JAKMIP1: variants seen among roughly 807,000 people sequenced by gnomAD.
JAKMIP1 encodes janus kinase and microtubule-interacting protein 1.
A neutral mutation model predicts 113.0 loss-of-function variants in JAKMIP1; 33 were observed. That is an observed-to-expected ratio of 0.29 (90% CI 0.22 to 0.39). The LOEUF (loss-of-function observed/expected upper bound fraction) is 0.39, where lower values mean the gene tolerates loss of function less well. JAKMIP1 is among the 10% of genes least tolerant of loss of function. The pLI is 1.00. For synonymous variants in JAKMIP1, 480 were observed against 459.9 expected (o/e 1.04, Z -0.56); for missense variants, 813 against 1,080.5 (o/e 0.75, Z 3.47).
chr4:6,053,788 A>AACAAG, intron 13 of JAKMIP1: 1 of 1,262,476 alleles, frequency 7.9e-7, no homozygotes, highest in Non-Finnish European at 1.0e-6. Flanking sequence ...TTAAGTGCAA[A>AACAAG]ACAAGCCATA....
At position 6,108,218 on chromosome 4, in the gene JAKMIP1, C is replaced by T. The variant is rs370156308; in HGVS notation, c.130-2251G>A. On this transcript the variant is annotated intron_variant, in intron 2 of 20. Coordinates refer to ENST00000409021, the MANE Select transcript of JAKMIP1 (RefSeq NM_001099433.2). This position sits in a 1 kb window ranked among gnomAD's most constrained non-coding sequence, Gnocchi z 5.6. ...GAGAGCCAAGCCCAGGTGACATGACCTATGCCACAGAAGCAGCAGAGTGAG... is the reference window on the plus strand; with the variant it reads ...GAGAGCCAAGCCCAGGTGACATGACTTATGCCACAGAAGCAGCAGAGTGAG... Among the ~76,000 whole-genome samples, 2 of 152,108 alleles carry T rather than the reference C, an allele frequency of 1.3e-5. No homozygotes were observed. Among genetic ancestry groups the T allele is most frequent in the South Asian group, 2.1e-4 (1 of 4,812 alleles).
chr4:6,053,577 G>T (rs1368834001), intron 13 of JAKMIP1, among the ~76,000 whole-genome samples: 1 of 152,126 alleles, frequency 6.6e-6, no homozygotes, highest in Non-Finnish European at 1.5e-5. Context: ...TCAATTGCTG[G>T]CTCAGGTCAG....
intron 1 of JAKMIP1, among the ~76,000 whole-genome samples, chr4:6,160,711 C>T (rs185033514): frequency 1.3e-5 from 2 of 152,152 alleles, no homozygotes; most frequent in Admixed American, 1.3e-4. Context: ...CGCCTCCCTG[C>T]CCCTCTACAG....
In JAKMIP1 at chr4:6,115,828, G is replaced by A. The variant is rs112230848; in HGVS notation, c.-147-2831C>T. Reference sequence around the variant, plus strand: ...TCCACAGGAGCAGCCCACCGGCCTCGCAGGCAGGATGGGGCGGCTGCAGGT... The same window carrying A: ...TCCACAGGAGCAGCCCACCGGCCTCACAGGCAGGATGGGGCGGCTGCAGGT... On this transcript the variant is annotated intron_variant, in intron 1 of 20. Transcript: ENST00000409021. Among the ~76,000 whole-genome samples the A allele has an allele frequency of 8.4e-3, 1,278 of 152,294 alleles. 18 individuals carry two copies. The highest frequency in any genetic ancestry group is 0.029 in the African/African-American group (1,202 of 41,562).
chr4:6,027,984 C>T (rs116277450), intron 20 of JAKMIP1, among the ~76,000 whole-genome samples: 2,847 of 152,306 alleles, frequency 0.019, 36 homozygotes, highest in Non-Finnish European at 0.031. Context: ...GGGCCCTGGG[C>T]TGCGAACTTT....
chr4:6,160,873 C>T (rs888460818), intron 1 of JAKMIP1, among the ~76,000 whole-genome samples: 1 of 151,562 alleles, frequency 6.6e-6, no homozygotes, highest in African/African-American at 2.4e-5. Context: ...ACTGACCTCC[C>T]CGACCTCCAC....
rs1289607866 is a variant in JAKMIP1 at position 6,139,087 on chromosome 4, T to TAC, written c.-147-26092_-147-26091dup. On this transcript the variant is annotated intron_variant, in intron 1 of 20. Transcript: ENST00000409021. The surrounding 1 kb of genome is among the most constrained non-coding windows in gnomAD (Gnocchi z 5.2). Reference sequence around the variant, plus strand: ...ACACACACACACACACACACACATATACACACACACACACACACCAGCAGG... The same window carrying TAC: ...ACACACACACACACACACACACATATACACACACACACACACACACCAGCAGG... 2.9e-5 allele frequency among the ~76,000 whole-genome samples: 3 copies of TAC among 102,236 alleles called. No individual in the cohort carries two copies. Among genetic ancestry groups the TAC allele is most frequent in the African/African-American group, 9.8e-5 (3 of 30,590 alleles). 67.1% of individuals were successfully genotyped at this position (102,236 alleles called of 152,430 possible).
In JAKMIP1 at chr4:6,036,964, GAGGCAGAGGCTAACCA is replaced by G. The variant is rs1560629470; in HGVS notation, c.2176-873_2176-858del. On this transcript the variant is annotated intron_variant, in intron 18 of 20. Transcript: ENST00000409021. The stretch of plus-strand genomic sequence containing the variant: ...GGCTAACCGGTATCCCTCCATCACC[GAGGCAGAGGCTAACCA>G]GTATCCCTCCATCACTGAGGCAGAG... Among the ~76,000 whole-genome samples the G allele has an allele frequency of 8.0e-5, 12 of 150,916 alleles. 1 individual carries two copies. The highest frequency in any genetic ancestry group is 2.9e-4 in the African/African-American group (12 of 40,682).
In JAKMIP1 at chr4:6,141,792, C is replaced by T. The variant is rs1331396032; in HGVS notation, c.-147-28795G>A. Among the ~76,000 whole-genome samples the T allele has an allele frequency of 6.6e-6, 1 of 152,204 alleles. No individual in the cohort carries two copies. Among genetic ancestry groups the T allele is most frequent in the Admixed American group, 6.5e-5 (1 of 15,282 alleles). On this transcript the variant is annotated intron_variant, in intron 1 of 20. Coordinates refer to ENST00000409021, the MANE Select transcript of JAKMIP1 (RefSeq NM_001099433.2). This position sits in a 1 kb window ranked among gnomAD's most constrained non-coding sequence, Gnocchi z 9.4. ...CTGACTGTCCACTCTTCGGCAACCT[C>T]CCTGGCCACTGAGCAGCCCGGTGGG... is the stretch of plus-strand genomic sequence containing the variant.
intron 1 of JAKMIP1, among the ~76,000 whole-genome samples, chr4:6,134,543 T>A (rs1718959495): frequency 6.6e-6 from 1 of 152,104 alleles, no homozygotes; most frequent in Admixed American, 6.6e-5. Context: ...CTAGGCTGGG[T>A]CAAGGGCTTC....
rs575720058 is a variant in JAKMIP1, at chr4:6,028,352, C to A, written c.2445+1364G>T. Among the ~76,000 whole-genome samples the A allele has an allele frequency of 7.9e-5, 12 of 152,352 alleles. No individual in the cohort carries two copies. In the East Asian group the frequency reaches 2.1e-3, roughly 27 times the overall value. On this transcript the variant is annotated intron_variant, in intron 20 of 20. Transcript: ENST00000409021. ...AGCAACAAGGGAACTGGCAGGCAAG[C>A]CCTGCCCCCGCCCCTGCGCACAGAT...
intron 1 of JAKMIP1, among the ~76,000 whole-genome samples, chr4:6,151,597 C>A (rs184311611): frequency 1.3e-5 from 2 of 152,190 alleles, no homozygotes; most frequent in Non-Finnish European, 2.9e-5. Flanking sequence ...GTTGCACTCA[C>A]AGCACTGTGA....
rs1050545577 is a variant in JAKMIP1, at chr4:6,105,608, C to T, written c.489G>A (p.Lys163=). 1 of 1,595,772 alleles carries T rather than the reference C, an allele frequency of 6.3e-7. No homozygotes were observed. The highest frequency in any genetic ancestry group is 1.3e-5 in the African/African-American group (1 of 74,824). ...AGTTACTGAGCGCCTCCTCTGCCTG[C>T]TTGCGCGCTGCCTTGAGCTCCAGGA... ...QEILELKAAR[K]QAEEALSNCM... Residue 163 remains lysine, a synonymous_variant, in exon 3 of 21, where the codon AAG becomes AAA. Transcript: ENST00000409021.
intron 5 of JAKMIP1, among the ~76,000 whole-genome samples, chr4:6,083,327 C>A (rs959530729): frequency 6.7e-6 from 1 of 149,882 alleles, no homozygotes; most frequent in South Asian, 2.1e-4. Context: ...CACTTGAACC[C>A]GGGAGGCAGA....
In JAKMIP1 at chr4:6,157,734, G is replaced by C. The variant is rs1722423640; in HGVS notation, c.-148+42519C>G. Among the ~76,000 whole-genome samples the C allele has an allele frequency of 6.6e-6, 1 of 152,186 alleles. No homozygotes were observed. The highest frequency in any genetic ancestry group is 2.1e-4 in the South Asian group (1 of 4,830). On this transcript the variant is annotated intron_variant, in intron 1 of 20. Transcript: ENST00000409021. The surrounding 1 kb of genome is among the most constrained non-coding windows in gnomAD (Gnocchi z 4.7). The stretch of plus-strand genomic sequence containing the variant: ...CTGTGGTTTCACATTCACTGAGCAG[G>C]TTAGATATGCCTCTCCGTAAACACC...
chr4:6,072,154 T>C (rs1173393090), intron 8 of JAKMIP1, among the ~76,000 whole-genome samples: 1 of 152,232 alleles, frequency 6.6e-6, no homozygotes, highest in African/African-American at 2.4e-5. Flanking sequence ...TTAGGACTAT[T>C]CCCCTACCTG....
rs1578213458 is a variant in JAKMIP1 at position 6,094,592 on chromosome 4, C to T, written c.625-8963G>A. Among the ~76,000 whole-genome samples, 2 of 152,250 alleles carry T rather than the reference C, an allele frequency of 1.3e-5. No individual in the cohort carries two copies. The highest frequency in any genetic ancestry group is 4.8e-5 in the African/African-American group (2 of 41,468). On this transcript the variant is annotated intron_variant, in intron 3 of 20. Transcript: ENST00000409021. This position sits in a 1 kb window ranked among gnomAD's most constrained non-coding sequence, Gnocchi z 4.2. ...AGATCCTGAGGCCCAAGGCCTTAAG[C>T]TGTGCCTTGATTCCTCCTACCTTGT...
chr4:6,103,901 G>C (rs138720761), intron 3 of JAKMIP1, among the ~76,000 whole-genome samples: 3 of 151,976 alleles, frequency 2.0e-5, no homozygotes, highest in African/African-American at 7.3e-5. Context: ...CTAAATGTTT[G>C]TCAATTTATC....
rs533666916 is a variant in JAKMIP1, at chr4:6,143,163, C to T, written c.-147-30166G>A. ...GCAGCACAGCTCTCCCCTGTGAGTA[C>T]GAGCTAAGTTAACCCACGCACAGCA... On this transcript the variant is annotated intron_variant, in intron 1 of 20. Transcript: ENST00000409021. The surrounding 1 kb of genome is among the most constrained non-coding windows in gnomAD (Gnocchi z 4.9). Among the ~76,000 whole-genome samples the T allele has an allele frequency of 1.3e-5, 2 of 152,294 alleles. No homozygotes were observed. Among genetic ancestry groups the T allele is most frequent in the Non-Finnish European group, 2.9e-5 (2 of 68,032 alleles).
Sources: allele counts gnomAD v4.1 joint callset (sites outside exome capture counted in the v4.1 genomes callset), GRCh38; gene constraint gnomAD v4.1.1; non-coding constraint Gnocchi (gnomAD v3.1); transcripts MANE v1.5; gene names NCBI Gene and HGNC (gene_info 2026-07-23, HGNC 2026-07-21).